The following PCP4 variants were observed in gnomAD, a reference collection of about 807,000 sequenced individuals.
PCP4 encodes Purkinje cell protein 4.
Under a neutral mutation model 10.0 loss-of-function variants are expected in PCP4, and 8 were observed. That is an observed-to-expected ratio of 0.80 (90% CI 0.47 to 1.45). The LOEUF is 1.45. Ranked by LOEUF, PCP4 falls within the 40% of genes most tolerant of loss-of-function variation. The probability of loss-of-function intolerance (pLI) is 0.00; values close to 1 mark genes in which losing one functional copy is unlikely to be tolerated. For missense variants in PCP4, 54 were observed against 74.4 expected (o/e 0.73, Z 1.01); for synonymous variants, 21 against 23.0 (o/e 0.91, Z 0.24).
chr21:39,925,438 C>CTG (rs1250308259), intron 2 of PCP4, among the ~76,000 whole-genome samples: 2 of 152,242 alleles, frequency 1.3e-5, no homozygotes, highest in African/African-American at 4.8e-5. Flanking sequence ...TGAACACCTA[C>CTG]TGTGTGTGTG....
chr21:39,888,836 C>G (rs571792275), intron 1 of PCP4, among the ~76,000 whole-genome samples: 9 of 152,344 alleles, frequency 5.9e-5, no homozygotes, highest in African/African-American at 2.2e-4. Context: ...CTGGCTGAGT[C>G]TGGGTACCTG....
chr21:39,899,045 C>G (rs2087470542), intron 2 of PCP4, among the ~76,000 whole-genome samples: 1 of 152,158 alleles, frequency 6.6e-6, no homozygotes, highest in African/African-American at 2.4e-5. Flanking sequence ...ACATTGCATC[C>G]TGCCTCTTCA....
intron 1 of PCP4, among the ~76,000 whole-genome samples, chr21:39,872,898 T>G (rs2087327125): frequency 6.6e-6 from 1 of 152,204 alleles, no homozygotes; most frequent in Non-Finnish European, 1.5e-5. Flanking sequence ...AATCCTTTTA[T>G]GTGGGAAATG....
chr21:39,896,444 G>A (rs1391188350), intron 1 of PCP4, among the ~76,000 whole-genome samples: 1 of 152,124 alleles, frequency 6.6e-6, no homozygotes, highest in African/African-American at 2.4e-5. Context: ...GCAAACGTAC[G>A]AGCCTTGTGT....
chr21:39,925,233 C>T (rs1183680758), intron 2 of PCP4, among the ~76,000 whole-genome samples: 3 of 152,170 alleles, frequency 2.0e-5, no homozygotes, highest in Admixed American at 6.5e-5. Flanking sequence ...AGCTACATGC[C>T]TCCTTGGAGG....
At chr21:39,908,827 C>T (rs939141811) in intron 2 of PCP4, among the ~76,000 whole-genome samples, 1 of 152,162 alleles carries the variant, frequency 6.6e-6, no homozygotes, top group African/African-American at 2.4e-5. Flanking sequence ...GCCTCCACCC[C>T]TGTGGAGAGG....
At chr21:39,926,635 T>A (rs1334877778) in intron 2 of PCP4, among the ~76,000 whole-genome samples, 1 of 152,212 alleles carries the variant, frequency 6.6e-6, no homozygotes, top group Non-Finnish European at 1.5e-5. Flanking sequence ...TAACCAAGGA[T>A]GTTATTGGTA....
At chr21:39,876,796 G>A (rs185619653) in intron 1 of PCP4, among the ~76,000 whole-genome samples, 28 of 152,314 alleles carry the variant, frequency 1.8e-4, no homozygotes, top group Middle Eastern at 6.8e-3. Context: ...CAGAGGTGCC[G>A]TTGACACTGT....
chr21:39,911,888 T>G (rs1278801735), intron 2 of PCP4, among the ~76,000 whole-genome samples: 12 of 152,244 alleles, frequency 7.9e-5, no homozygotes, highest in Admixed American at 7.8e-4. Context: ...TCTTATTCTA[T>G]TCACACATCT....
At chr21:39,874,727 A>T (rs1177546628) in intron 1 of PCP4, among the ~76,000 whole-genome samples, 5 of 150,014 alleles carry the variant, frequency 3.3e-5, no homozygotes, top group African/African-American at 1.2e-4. Context: ...TAGTATTTTA[A>T]AAAAAAACCT....
intron 2 of PCP4, among the ~76,000 whole-genome samples, chr21:39,922,475 G>A (rs1028279727): frequency 1.3e-5 from 2 of 152,206 alleles, no homozygotes; most frequent in Non-Finnish European, 2.9e-5. Flanking sequence ...CTAGTGCAAA[G>A]TTTAAACTTG....
At chr21:39,889,848 C>T (rs968918599) in intron 1 of PCP4, among the ~76,000 whole-genome samples, 2 of 152,192 alleles carry the variant, frequency 1.3e-5, no homozygotes, top group Admixed American at 6.5e-5. Context: ...ACATTTCATA[C>T]TCTTCAATCT....
At chr21:39,883,283 G>T (rs915707856) in intron 1 of PCP4, among the ~76,000 whole-genome samples, 9 of 152,180 alleles carry the variant, frequency 5.9e-5, no homozygotes, top group African/African-American at 2.2e-4. Context: ...AAATGGAGGT[G>T]CTTGCATGTT....
chr21:39,922,876 G>A (rs781420203), intron 2 of PCP4, among the ~76,000 whole-genome samples: 13 of 152,232 alleles, frequency 8.5e-5, no homozygotes, highest in Non-Finnish European at 1.8e-4. Flanking sequence ...AAGGCCTTGT[G>A]AGGGATAATG....
At position 39,917,958 on chromosome 21, in the gene PCP4, C is replaced by A. The variant is rs539032933; in HGVS notation, c.62-11026C>A. 6.6e-4 allele frequency among the ~76,000 whole-genome samples: 101 copies of A among 152,158 alleles called. 1 individual carries two copies. The highest frequency in any genetic ancestry group is 2.3e-3 in the African/African-American group (97 of 41,518). ...AAGAAGAGATGAGGACACAGACATT[C>A]ACAAAGGGATCCTCATGTGAGGACA... On this transcript the variant is annotated intron_variant, in intron 2 of 2. Transcript: ENST00000328619.
At chr21:39,881,551 G>A (rs551304576) in intron 1 of PCP4, among the ~76,000 whole-genome samples, 70 of 152,274 alleles carry the variant, frequency 4.6e-4, no homozygotes, top group African/African-American at 1.7e-3. Context: ...ACGTACATCT[G>A]CAGTTCTGAC....
At chr21:39,902,865 A>T (rs569508795) in intron 2 of PCP4, among the ~76,000 whole-genome samples, 2 of 152,210 alleles carry the variant, frequency 1.3e-5, no homozygotes, top group East Asian at 3.8e-4. Context: ...ATAACTTTCT[A>T]CTTGAAAGAA....
At chr21:39,901,327 T>C (rs960715961) in intron 2 of PCP4, among the ~76,000 whole-genome samples, 15 of 152,226 alleles carry the variant, frequency 9.9e-5, no homozygotes, top group African/African-American at 3.6e-4. Context: ...GTTCACACTT[T>C]GGGAACTACT....
intron 2 of PCP4, among the ~76,000 whole-genome samples, chr21:39,922,906 C>A (rs2251552): frequency 6.6e-6 from 1 of 151,942 alleles, no homozygotes; most frequent in African/African-American, 2.4e-5. Context: ...GCACACAGGA[C>A]GTTGAATCAT....
Sources: allele counts gnomAD v4.1 joint callset (sites outside exome capture counted in the v4.1 genomes callset), GRCh38; gene constraint gnomAD v4.1.1; transcripts MANE v1.5; gene names NCBI Gene and HGNC (gene_info 2026-07-23, HGNC 2026-07-21).